The following SPMIP11 variants were observed in gnomAD, a reference collection of about 807,000 sequenced individuals.
SPMIP11 encodes sperm microtubule inner protein 11.
chr12:48,728,856 T>G, the SPMIP11 span, among the ~76,000 whole-genome samples: 26 of 151,824 alleles, frequency 1.7e-4, no homozygotes, highest in Non-Finnish European at 3.5e-4. Context: ...CGTTGAAAAC[T>G]AGGAAGGGGC....
chr12:48,733,432 G>T, the SPMIP11 span, among the ~76,000 whole-genome samples: 1 of 152,046 alleles, frequency 6.6e-6, no homozygotes, highest in Non-Finnish European at 1.5e-5. Flanking sequence ...CCCTATTCAT[G>T]GTTTTGTCTT....
At chr12:48,729,448 T>G in the SPMIP11 span, among the ~76,000 whole-genome samples, 1 of 151,288 alleles carries the variant, frequency 6.6e-6, no homozygotes. Context: ...GCAGGAGAAT[T>G]GCTTGAACCC....
the SPMIP11 span, among the ~76,000 whole-genome samples, chr12:48,757,043 T>C: frequency 6.6e-6 from 1 of 152,138 alleles, no homozygotes; most frequent in African/African-American, 2.4e-5. Context: ...CCCAAAGTGC[T>C]GGAATTACAG....
At chr12:48,733,072 C>CT in the SPMIP11 span, among the ~76,000 whole-genome samples, 76,955 of 110,066 alleles carry the variant, frequency 0.7, 27,958 homozygotes, top group African/African-American at 0.81. Flanking sequence ...ACAAGTTAAT[C>CT]TTTTTTTTTT....
the SPMIP11 span, chr12:48,769,042 G>T: frequency 7.4e-6 from 12 of 1,612,912 alleles, no homozygotes; most frequent in Non-Finnish European, 1.0e-5. Context: ...CACCTGCCAC[G>T]ACTGGGCCCA....
the SPMIP11 span, among the ~76,000 whole-genome samples, chr12:48,731,260 AC>A: frequency 6.6e-6 from 1 of 152,196 alleles, no homozygotes. Flanking sequence ...TGGAAGGCCA[AC>A]GTGGGCGGAT....
the SPMIP11 span, among the ~76,000 whole-genome samples, chr12:48,745,585 G>A: frequency 6.6e-6 from 1 of 152,204 alleles, no homozygotes; most frequent in Admixed American, 6.5e-5. Context: ...GGGTGACAGA[G>A]TAAGACTTTG....
At chr12:48,762,802 T>C in the SPMIP11 span, among the ~76,000 whole-genome samples, 1 of 152,220 alleles carries the variant, frequency 6.6e-6, no homozygotes, top group Non-Finnish European at 1.5e-5. Flanking sequence ...TCTGTATCAA[T>C]ATATTCAATA....
chr12:48,737,058 T>C, the SPMIP11 span, among the ~76,000 whole-genome samples: 3 of 150,920 alleles, frequency 2.0e-5, no homozygotes, highest in Admixed American at 2.0e-4. Context: ...CAAGCGATCC[T>C]CCCACCTCAG....
chr12:48,751,334 C>A, the SPMIP11 span, among the ~76,000 whole-genome samples: 1 of 152,176 alleles, frequency 6.6e-6, no homozygotes, highest in Non-Finnish European at 1.5e-5. Context: ...TCAGTTTAAG[C>A]CAGGTGCAGT....
At chr12:48,754,827 G>A in the SPMIP11 span, among the ~76,000 whole-genome samples, 1 of 151,830 alleles carries the variant, frequency 6.6e-6, no homozygotes, top group East Asian at 1.9e-4. Flanking sequence ...GCCCACTGCA[G>A]CTTCAACCTC....
the SPMIP11 span, among the ~76,000 whole-genome samples, chr12:48,742,125 G>T: frequency 1.4e-4 from 22 of 152,184 alleles, no homozygotes; most frequent in South Asian, 4.1e-4. Flanking sequence ...TTGTTGCCCA[G>T]GTTGGTCTCG....
chr12:48,736,204 G>A, the SPMIP11 span: 1 of 374,308 alleles, frequency 2.7e-6, no homozygotes, highest in Non-Finnish European at 5.2e-6. Context: ...AGGAATTAGA[G>A]ACCAGGATGA....
chr12:48,750,759 C>CA, the SPMIP11 span, among the ~76,000 whole-genome samples: 1 of 152,194 alleles, frequency 6.6e-6, no homozygotes, highest in Non-Finnish European at 1.5e-5. Context: ...CCTGAATCTC[C>CA]AGTCACCCTT....
the SPMIP11 span, among the ~76,000 whole-genome samples, chr12:48,762,077 C>G: frequency 1.0e-5 from 1 of 98,536 alleles, no homozygotes; most frequent in Non-Finnish European, 1.8e-5. Flanking sequence ...TTTTTTGAGA[C>G]GGAGTCTCTC....
At chr12:48,760,309 G>T in the SPMIP11 span, among the ~76,000 whole-genome samples, 1 of 152,024 alleles carries the variant, frequency 6.6e-6, no homozygotes, top group African/African-American at 2.4e-5. Context: ...GAGTAGCTGG[G>T]ACTACAGGCA....
the SPMIP11 span, among the ~76,000 whole-genome samples, chr12:48,728,820 A>G: frequency 6.6e-6 from 1 of 152,292 alleles, no homozygotes; most frequent in Non-Finnish European, 1.5e-5. Context: ...CATAAAGGGT[A>G]AAGTGGAGAG....
chr12:48,770,927 G>A, the SPMIP11 span: 2 of 1,614,046 alleles, frequency 1.2e-6, no homozygotes, highest in Non-Finnish European at 1.7e-6. Context: ...GCTACCAATC[G>A]TCTTGATCTT....
chr12:48,740,494 T>C, the SPMIP11 span, among the ~76,000 whole-genome samples: 1 of 131,888 alleles, frequency 7.6e-6, no homozygotes, highest in Non-Finnish European at 1.7e-5. Flanking sequence ...AATGTCTCTC[T>C]TTTTTTTTTT....
Sources: allele counts gnomAD v4.1 joint callset (sites outside exome capture counted in the v4.1 genomes callset), GRCh38; gene constraint gnomAD v4.1.1; transcripts MANE v1.5; gene names NCBI Gene and HGNC (gene_info 2026-07-23, HGNC 2026-07-21).